The following PTPRK variants were observed in gnomAD, a reference collection of about 807,000 sequenced individuals.
The protein encoded by PTPRK is receptor-type tyrosine-protein phosphatase kappa.
In PTPRK, 75 loss-of-function variants were observed where a neutral mutation model predicts 178.0. The ratio of observed to expected loss-of-function variants is 0.42; its 90% confidence interval spans 0.35 to 0.51. The LOEUF is 0.51. PTPRK is among the 20% of genes least tolerant of loss of function. The probability of loss-of-function intolerance (pLI) is 0.02; values close to 1 mark genes in which losing one functional copy is unlikely to be tolerated. For missense variants in PTPRK, 1,441 were observed against 1,797.8 expected (o/e 0.80, Z 3.59); for synonymous variants, 637 against 620.6 (o/e 1.03, Z -0.39).
intron 1 of PTPRK, among the ~76,000 whole-genome samples, chr6:128,491,388 C>T (rs762879833): frequency 6.6e-6 from 1 of 152,184 alleles, no homozygotes; most frequent in Non-Finnish European, 1.5e-5. Flanking sequence ...CTAACAGGAG[C>T]AAAACCAATA....
At chr6:128,059,105 T>C (rs1475227845) in intron 13 of PTPRK, among the ~76,000 whole-genome samples, 1 of 152,166 alleles carries the variant, frequency 6.6e-6, no homozygotes, top group Admixed American at 6.6e-5. Flanking sequence ...AGGAACTGTA[T>C]TTTAAGAGTA....
intron 1 of PTPRK, chr6:128,491,724 CTT>C (rs76361302): frequency 0.15 from 74,271 of 507,410 alleles, 6,492 homozygotes; most frequent in Non-Finnish European, 0.2. Context: ...TTTTTTTTCT[CTT>C]GTTACCTTTT....
intron 1 of PTPRK, among the ~76,000 whole-genome samples, chr6:128,495,891 C>T (rs1385636330): frequency 6.6e-6 from 1 of 152,142 alleles, no homozygotes; most frequent in Non-Finnish European, 1.5e-5. Context: ...TCCAATGCAC[C>T]GCATTCTCTC....
chr6:128,325,127 G>A (rs1829368662), intron 2 of PTPRK, among the ~76,000 whole-genome samples: 1 of 152,056 alleles, frequency 6.6e-6, no homozygotes, highest in South Asian at 2.1e-4. Flanking sequence ...CTTTAAAGTG[G>A]CCTTACAAAT....
At chr6:128,047,666 C>T (rs1778298391) in intron 13 of PTPRK, among the ~76,000 whole-genome samples, 1 of 152,098 alleles carries the variant, frequency 6.6e-6, no homozygotes, top group African/African-American at 2.4e-5. Context: ...GTTACATGAA[C>T]TTTAAGTGCT....
At chr6:128,054,834 C>A (rs770072010) in intron 13 of PTPRK, among the ~76,000 whole-genome samples, 1 of 152,178 alleles carries the variant, frequency 6.6e-6, no homozygotes, top group Non-Finnish European at 1.5e-5. Context: ...GAATGAACCA[C>A]GGACTAGGGG....
intron 3 of PTPRK, among the ~76,000 whole-genome samples, chr6:128,248,444 G>A (rs950659972): frequency 5.9e-5 from 9 of 152,056 alleles, no homozygotes; most frequent in African/African-American, 2.2e-4. Context: ...GGAAGATGAG[G>A]CTACAATGAG....
rs1249060622 is a variant in PTPRK, at chr6:127,969,685, T to G, written c.*542A>C. On this transcript the variant is annotated 3_prime_UTR_variant, in exon 30 of 30. Coordinates refer to ENST00000368226, the MANE Select transcript of PTPRK (RefSeq NM_002844.4). ...TTATGTTATTTTCTAAAAAGAACTT[T>G]AAATGATCCAGCCATCATTGCACAT... 6.6e-6 allele frequency: 1 copy of G among 152,158 alleles called. No homozygotes were observed. The highest frequency in any genetic ancestry group is 2.4e-5 in the African/African-American group (1 of 41,462). 9.4% of individuals were successfully genotyped at this position (152,158 alleles called of 1,614,324 possible).
At chr6:128,433,025 ACATGTGATATTTAGATT>A (rs1455911518) in intron 1 of PTPRK, among the ~76,000 whole-genome samples, 1 of 152,180 alleles carries the variant, frequency 6.6e-6, no homozygotes, top group Non-Finnish European at 1.5e-5. Context: ...GTTATGTGGT[ACATGTGATATTTAGATT>A]CATGTATACA....
At chr6:128,070,876 T>C (rs1254334189) in intron 11 of PTPRK, among the ~76,000 whole-genome samples, 1 of 151,716 alleles carries the variant, frequency 6.6e-6, no homozygotes, top group Non-Finnish European at 1.5e-5. Flanking sequence ...CGTTTAAGTG[T>C]TTATGAAATG....
chr6:128,455,524 A>G lies in PTPRK; in HGVS notation c.101-57836T>C, dbSNP rs754170213. Among the ~76,000 whole-genome samples, 77 of 152,250 alleles carry G rather than the reference A, an allele frequency of 5.1e-4. 1 individual carries two copies. In the Middle Eastern group the frequency reaches 0.01, roughly 20 times the overall value. ...GCATATCCTACTTCAGAAATGATCTATCAATCTATATATGAGCTCAGAAGC... is the reference window on the plus strand; with the variant it reads ...GCATATCCTACTTCAGAAATGATCTGTCAATCTATATATGAGCTCAGAAGC... On this transcript the variant is annotated intron_variant, in intron 1 of 29. Transcript: ENST00000368226.
At chr6:128,501,397 A>T (rs1378793127) in intron 1 of PTPRK, among the ~76,000 whole-genome samples, 1 of 151,928 alleles carries the variant, frequency 6.6e-6, no homozygotes, top group Non-Finnish European at 1.5e-5. Context: ...CAAATCACAC[A>T]CACACACACA....
chr6:128,366,715 A>G (rs1835542123), intron 2 of PTPRK, among the ~76,000 whole-genome samples: 1 of 152,168 alleles, frequency 6.6e-6, no homozygotes, highest in Non-Finnish European at 1.5e-5. Flanking sequence ...ATAACACACA[A>G]TGAGGATGTG....
chr6:128,174,304 A>G (rs1184036020), intron 7 of PTPRK, among the ~76,000 whole-genome samples: 2 of 151,992 alleles, frequency 1.3e-5, no homozygotes, highest in African/African-American at 4.8e-5. Flanking sequence ...CTATCCAGAA[A>G]GAAGAAGGAG....
chr6:128,416,222 T>C (rs1393521728), intron 1 of PTPRK, among the ~76,000 whole-genome samples: 1 of 152,010 alleles, frequency 6.6e-6, no homozygotes, highest in Non-Finnish European at 1.5e-5. Context: ...ATTAACTAAT[T>C]TTTGCAACAA....
intron 6 of PTPRK, among the ~76,000 whole-genome samples, chr6:128,195,013 G>A (rs1051699899): frequency 6.6e-6 from 1 of 151,968 alleles, no homozygotes; most frequent in African/African-American, 2.4e-5. Flanking sequence ...ATGTGTGTGT[G>A]TAATATACAT....
chr6:128,158,499 C>T (rs961256308), intron 7 of PTPRK, among the ~76,000 whole-genome samples: 7 of 151,756 alleles, frequency 4.6e-5, no homozygotes, highest in Admixed American at 2.6e-4. Context: ...GCTGTATGTA[C>T]GCTGGAAAGG....
intron 2 of PTPRK, among the ~76,000 whole-genome samples, chr6:128,347,304 C>T (rs1832554995): frequency 6.6e-6 from 1 of 152,064 alleles, no homozygotes. Context: ...ACTTCTATCC[C>T]TTTATGACCG....
At chr6:128,473,565 T>C (rs887789339) in intron 1 of PTPRK, among the ~76,000 whole-genome samples, 14 of 152,040 alleles carry the variant, frequency 9.2e-5, no homozygotes, top group African/African-American at 2.4e-4. Context: ...CTATTATGGA[T>C]GCAAAGTGGT....
Sources: allele counts gnomAD v4.1 joint callset (sites outside exome capture counted in the v4.1 genomes callset), GRCh38; gene constraint gnomAD v4.1.1; transcripts MANE v1.5; gene names NCBI Gene and HGNC (gene_info 2026-07-23, HGNC 2026-07-21).